PIBF1: variants seen among roughly 807,000 people sequenced by gnomAD.
The protein encoded by PIBF1 is progesterone immunomodulatory binding factor 1.
In PIBF1, 90 loss-of-function variants were observed where a neutral mutation model predicts 112.5. The ratio of observed to expected loss-of-function variants is 0.80; its 90% CI spans 0.67 to 0.95. The LOEUF is 0.95. Ranked by LOEUF, PIBF1 falls within the 40% of genes least tolerant of loss-of-function variation. PIBF1 has a pLI of 0.00. For synonymous variants in PIBF1, 301 were observed against 288.6 expected, an observed-to-expected ratio of 1.04 and a Z score of -0.44; for missense variants, 915 against 852.3, an observed-to-expected ratio of 1.07 and a Z score of -0.92.
intron 14 of PIBF1, among the ~76,000 whole-genome samples, chr13:72,963,938 A>C (rs922676734): frequency 3.3e-5 from 5 of 152,202 alleles, no homozygotes; most frequent in Admixed American, 6.5e-5. Context: ...AAAAAGTTAA[A>C]TATAGAATTA....
intron 10 of PIBF1, among the ~76,000 whole-genome samples, chr13:72,892,048 C>T (rs2040077836): frequency 6.6e-6 from 1 of 151,938 alleles, no homozygotes; most frequent in Non-Finnish European, 1.5e-5. Context: ...TAGGGAGTGA[C>T]TAATGAACAT....
intron 10 of PIBF1, among the ~76,000 whole-genome samples, chr13:72,859,307 C>A (rs1056639219): frequency 1.5e-4 from 23 of 152,102 alleles, no homozygotes; most frequent in African/African-American, 4.3e-4. Flanking sequence ...AGATAGGGAA[C>A]AAGGGATTTG....
intron 2 of PIBF1, among the ~76,000 whole-genome samples, chr13:72,791,777 C>T (rs901113561): frequency 6.6e-6 from 1 of 151,848 alleles, no homozygotes; most frequent in African/African-American, 2.4e-5. Context: ...TGACTACAGG[C>T]GCCCGCCACC....
intron 8 of PIBF1, among the ~76,000 whole-genome samples, chr13:72,834,989 C>T (rs1198100936): frequency 6.6e-6 from 1 of 152,102 alleles, no homozygotes; most frequent in Non-Finnish European, 1.5e-5. Flanking sequence ...AATTATCCCA[C>T]ATGAATTACT....
intron 10 of PIBF1, among the ~76,000 whole-genome samples, chr13:72,891,503 T>C (rs1343145181): frequency 4.6e-5 from 3 of 65,258 alleles, no homozygotes; most frequent in Non-Finnish European, 8.7e-5. Context: ...TAGTAAAAGG[T>C]ATTTTTTTTA....
chr13:72,994,839 A>G (rs2043597469), intron 16 of PIBF1, among the ~76,000 whole-genome samples: 1 of 152,162 alleles, frequency 6.6e-6, no homozygotes, highest in Non-Finnish European at 1.5e-5. Flanking sequence ...ATTGCCTGTT[A>G]TGTTGGATTG....
intron 9 of PIBF1, among the ~76,000 whole-genome samples, chr13:72,852,969 T>TA (rs767763748): frequency 6.6e-6 from 1 of 152,120 alleles, no homozygotes; most frequent in Non-Finnish European, 1.5e-5. Flanking sequence ...AAGTAGGTTA[T>TA]AACATAAAGG....
intron 16 of PIBF1, among the ~76,000 whole-genome samples, chr13:72,997,162 T>A (rs943098929): frequency 6.6e-6 from 1 of 152,210 alleles, no homozygotes; most frequent in Admixed American, 6.5e-5. Context: ...TATTTTATCT[T>A]CATGCCAAAG....
chr13:72,827,649 C>T lies in PIBF1; in HGVS notation c.916-84C>T, dbSNP rs1474369678. On this transcript the variant is annotated intron_variant, in intron 7 of 17. Transcript: ENST00000326291. ...AAAATTTTCATGTGGTGAATGAAAACATGAAGGAAAGAAATTAATACAGTC... is the reference window on the plus strand; with the variant it reads ...AAAATTTTCATGTGGTGAATGAAAATATGAAGGAAAGAAATTAATACAGTC... 3.3e-5 allele frequency: 27 copies of T among 819,930 alleles called. No individual in the cohort carries two copies. The Admixed American group carries it at 4.9e-4, about 15-fold the overall frequency. 50.8% of individuals were successfully genotyped at this position (819,930 alleles called of 1,614,324 possible).
intron 14 of PIBF1, among the ~76,000 whole-genome samples, chr13:72,944,495 C>A (rs1240339391): frequency 6.7e-6 from 1 of 150,230 alleles, no homozygotes; most frequent in African/African-American, 2.4e-5. Context: ...ACAATAAAAT[C>A]AATTTTAACA....
rs145902815 is a variant in PIBF1 at position 72,896,078 on chromosome 13, T to C, written c.1488+2129T>C. Among the ~76,000 whole-genome samples the C allele has an allele frequency of 2.3e-3, 357 of 152,178 alleles. 1 individual carries two copies. Among genetic ancestry groups the C allele is most frequent in the African/African-American group, 8.0e-3 (333 of 41,550 alleles). ...TCCTCCTAGGCCACCTCCACCAGAA[T>C]AGGTGCTGGTATCCATGATGGAGAG... On this transcript the variant is annotated intron_variant, in intron 11 of 17. Coordinates refer to ENST00000326291, the MANE Select transcript of PIBF1 (RefSeq NM_006346.4).
At chr13:72,917,442 C>T (rs976713362) in intron 13 of PIBF1, among the ~76,000 whole-genome samples, 1 of 151,528 alleles carries the variant, frequency 6.6e-6, no homozygotes, top group Non-Finnish European at 1.5e-5. Flanking sequence ...AGATGAGCTA[C>T]AAATGCTTTG....
intron 17 of PIBF1, among the ~76,000 whole-genome samples, chr13:73,008,467 A>G (rs746317031): frequency 2.0e-5 from 3 of 152,204 alleles, no homozygotes; most frequent in Non-Finnish European, 2.9e-5. Flanking sequence ...CCAGACTTAA[A>G]TAGAACTGAA....
chr13:72,782,912 G>GTT (rs980830211), intron 1 of PIBF1, among the ~76,000 whole-genome samples: 2 of 151,158 alleles, frequency 1.3e-5, no homozygotes, highest in African/African-American at 4.9e-5. Context: ...GTGTGTTTGT[G>GTT]TTTGTGTTGG....
intron 15 of PIBF1, among the ~76,000 whole-genome samples, chr13:72,972,003 C>CATTTATTT (rs67353309): frequency 0.03 from 4,201 of 138,752 alleles, 85 homozygotes; most frequent in Middle Eastern, 0.056. Flanking sequence ...TAGTGGCTTT[C>CATTTATTT]ATTTATTTAT....
In PIBF1 at chr13:72,832,071, C is replaced by CTTTTTT. The variant is rs1491281184; in HGVS notation, c.1098-3172_1098-3171insTTTTTT. On this transcript the variant is annotated intron_variant, in intron 8 of 17. Transcript: ENST00000326291. ...TCAGAGATTAGAATTGCAATTCCGG[C>CTTTTTT]CTTTTTTTTTTTTTTTTTTTTTTTT... Among the ~76,000 whole-genome samples, 27 of 59,494 alleles carry CTTTTTT rather than the reference C, an allele frequency of 4.5e-4. 5 individuals are homozygous for CTTTTTT. The highest frequency in any genetic ancestry group is 5.1e-4 in the Admixed American group (2 of 3,934). The allele number at this position is 59,494 out of a possible 152,430, so 39.0% of individuals were successfully genotyped here.
chr13:72,823,471 C>CA (rs1441062529), intron 6 of PIBF1, among the ~76,000 whole-genome samples: 2 of 152,068 alleles, frequency 1.3e-5, no homozygotes, highest in African/African-American at 4.8e-5. Flanking sequence ...AGAAAGGACT[C>CA]AAACTATGAC....
intron 10 of PIBF1, among the ~76,000 whole-genome samples, chr13:72,875,350 A>G (rs1189102127): frequency 6.6e-6 from 1 of 152,184 alleles, no homozygotes; most frequent in Non-Finnish European, 1.5e-5. Context: ...TTATGAATAA[A>G]TCTGCTATAA....
At chr13:72,838,164 A>T (rs1189456085) in intron 9 of PIBF1, among the ~76,000 whole-genome samples, 1 of 152,234 alleles carries the variant, frequency 6.6e-6, no homozygotes, top group Non-Finnish European at 1.5e-5. Context: ...GCAAATATTT[A>T]TTGAAATGTA....
Sources: gnomAD v4.1 joint callset for allele counts (sites outside exome capture counted in the v4.1 genomes callset) on GRCh38, gnomAD v4.1.1 for gene constraint, MANE v1.5 for transcripts, NCBI Gene and HGNC (gene_info 2026-07-23, HGNC 2026-07-21) for gene names.